Variants in SERINC5 observed in about 807,000 individuals in gnomAD.
SERINC5 encodes the protein serine incorporator 5, also known as chromosome 5 open reading frame 12.
A neutral mutation model predicts 63.1 loss-of-function variants in SERINC5; 41 were observed. That is an observed-to-expected ratio of 0.65 (90% CI 0.51 to 0.84). The LOEUF is 0.84. Ranked by LOEUF, SERINC5 falls within the 40% of genes least tolerant of loss-of-function variation. The pLI, the probability that SERINC5 is intolerant of heterozygous loss-of-function variation, is 0.00. For synonymous variants in SERINC5, 222 were observed against 215.2 expected (o/e 1.03, Z -0.28); for missense variants, 523 against 573.0 (o/e 0.91, Z 0.89).
chr5:80,254,603 A>T (rs948969440), intron 1 of SERINC5, among the ~76,000 whole-genome samples: 8 of 152,156 alleles, frequency 5.3e-5, no homozygotes, highest in Non-Finnish European at 1.2e-4. Flanking sequence ...TCAAAACGGG[A>T]ATAAAAGATT....
At chr5:80,194,254 A>G (rs2112467751) in intron 2 of SERINC5, among the ~76,000 whole-genome samples, 1 of 151,258 alleles carries the variant, frequency 6.6e-6, no homozygotes, top group African/African-American at 2.5e-5. Flanking sequence ...AAAGCATATA[A>G]GCGGAGAATG....
In SERINC5 at chr5:80,196,822, C is replaced by G. The variant is rs370219635; in HGVS notation, c.195+6064G>C. ...GGGCCTGGTAGTGCGCGCCTGTAATCCCAGCTACTCAGGAGGCCGAGGAAG... is the reference window on the plus strand; with the variant it reads ...GGGCCTGGTAGTGCGCGCCTGTAATGCCAGCTACTCAGGAGGCCGAGGAAG... On this transcript the variant is annotated intron_variant, in intron 2 of 11. Coordinates refer to ENST00000507668, the MANE Select transcript of SERINC5 (RefSeq NM_001174072.3). Among the ~76,000 whole-genome samples the G allele has an allele frequency of 3.3e-5, 5 of 151,846 alleles. 1 individual carries two copies. In the East Asian group the frequency reaches 9.7e-4, roughly 30 times the overall value.
intron 1 of SERINC5, among the ~76,000 whole-genome samples, chr5:80,224,137 A>C (rs1751054343): frequency 1.4e-5 from 2 of 147,398 alleles, no homozygotes; most frequent in Admixed American, 1.4e-4. Flanking sequence ...CCGTCTCAAA[A>C]AAAAAAAAAA....
At chr5:80,160,371 C>T (rs2112351298) in intron 7 of SERINC5, among the ~76,000 whole-genome samples, 1 of 152,286 alleles carries the variant, frequency 6.6e-6, no homozygotes, top group Middle Eastern at 3.4e-3. Flanking sequence ...AACATGGAGT[C>T]TTCCATTTGG....
At chr5:80,179,868 C>T (rs1366920755) in intron 2 of SERINC5, among the ~76,000 whole-genome samples, 2 of 152,324 alleles carry the variant, frequency 1.3e-5, no homozygotes, top group East Asian at 3.9e-4. Context: ...CTTTCAAAGG[C>T]TGTACCAATT....
chr5:80,234,082 T>A (rs1401252643), intron 1 of SERINC5, among the ~76,000 whole-genome samples: 1 of 152,078 alleles, frequency 6.6e-6, no homozygotes, highest in Non-Finnish European at 1.5e-5. Flanking sequence ...AGTGCTGGGA[T>A]TACAGGCGTG....
intron 1 of SERINC5, among the ~76,000 whole-genome samples, chr5:80,222,710 T>C (rs1750968481): frequency 6.6e-6 from 1 of 151,984 alleles, no homozygotes; most frequent in Non-Finnish European, 1.5e-5. Context: ...GTGGCTGGGA[T>C]TACAGGTGCC....
intron 7 of SERINC5, among the ~76,000 whole-genome samples, chr5:80,166,122 CTT>C (rs1464793721): frequency 2.6e-5 from 4 of 152,272 alleles, no homozygotes; most frequent in Admixed American, 2.6e-4. Context: ...CAATTATACT[CTT>C]TTAGTTATTT....
intron 7 of SERINC5, among the ~76,000 whole-genome samples, chr5:80,160,699 C>T (rs138764522): frequency 6.6e-6 from 1 of 152,044 alleles, no homozygotes; most frequent in African/African-American, 2.4e-5. Flanking sequence ...CATCCCCTCC[C>T]TCCTTCCTAT....
In SERINC5 at chr5:80,202,943, G is replaced by C. The variant is rs919442662; in HGVS notation, c.138C>G (p.Val46=). 2 of 1,613,460 alleles carry C rather than the reference G, an allele frequency of 1.2e-6. No homozygotes were observed. The highest frequency in any genetic ancestry group is 2.7e-5 in the African/African-American group (2 of 74,892). The change falls in exon 2 of 12, where the codon GTC becomes GTG. Residue 46 remains valine, a synonymous_variant. Transcript: ENST00000507668. ...ACATCATGATGCAGCAGAGGACGACGACCAGAATGAAGTAGAGGGCGTACA... is the reference window on the plus strand; with the variant it reads ...ACATCATGATGCAGCAGAGGACGACCACCAGAATGAAGTAGAGGGCGTACA... The part of the protein sequence containing the change: ...RFMYALYFIL[V]VVLCCIMMST...
intron 11 of SERINC5, among the ~76,000 whole-genome samples, chr5:80,124,203 A>G (rs1314234855): frequency 6.6e-6 from 1 of 152,174 alleles, no homozygotes; most frequent in Non-Finnish European, 1.5e-5. Context: ...GACAGCTCCC[A>G]TAATTTTTGC....
At chr5:80,166,264 G>T in intron 7 of SERINC5, 119 bp downstream of exon 7, 1 of 702,154 alleles carries the variant, frequency 1.4e-6, no homozygotes, top group Non-Finnish European at 2.4e-6. Context: ...CCCAGCCTCT[G>T]GTAACCATCT....
At position 80,140,199 on chromosome 5, in the gene SERINC5, G is replaced by C; in HGVS notation, c.*3464C>G. On this transcript the variant is annotated 3_prime_UTR_variant, in exon 12 of 12. Transcript: ENST00000507668. ...CCAGGTGTGATGGGGCAAACCTGTGGTCTCAGCTACTTGGGAGGTGGTCCT... is the reference window on the plus strand; with the variant it reads ...CCAGGTGTGATGGGGCAAACCTGTGCTCTCAGCTACTTGGGAGGTGGTCCT... 2 of 737,034 alleles carry C rather than the reference G, an allele frequency of 2.7e-6. No individual in the cohort carries two copies. Among genetic ancestry groups the C allele is most frequent in the Non-Finnish European group, 3.3e-6 (2 of 605,150 alleles). 45.7% of individuals were successfully genotyped at this position (737,034 alleles called of 1,614,324 possible). A position where few individuals can be genotyped will look rare whatever the true frequency, so the allele number is the denominator to read the frequency against.
chr5:80,134,211 C>T (rs1222158839), downstream of SERINC5, among the ~76,000 whole-genome samples: 7 of 152,144 alleles, frequency 4.6e-5, no homozygotes, highest in East Asian at 9.6e-4. Context: ...ATAGGCCGGG[C>T]GTGGTGGCTC....
intron 11 of SERINC5, chr5:80,144,021 C>T: frequency 3.6e-6 from 2 of 563,080 alleles, no homozygotes; most frequent in South Asian, 4.5e-5. Flanking sequence ...TTCCCCATGG[C>T]CCCCTCAGCC....
In SERINC5 at chr5:80,143,039, G is replaced by A; in HGVS notation, c.*624C>T. On this transcript the variant is annotated 3_prime_UTR_variant, in exon 12 of 12. Coordinates refer to ENST00000507668, the MANE Select transcript of SERINC5 (RefSeq NM_001174072.3). ...AAAAGATGAGACCTCGGGGAAGGGT[G>A]CAGGCAGAGAGTGAAGTCTGTGATT... 1 of 985,500 alleles carries A rather than the reference G, an allele frequency of 1.0e-6. No homozygotes were observed. Among genetic ancestry groups the A allele is most frequent in the Non-Finnish European group, 1.2e-6 (1 of 830,004 alleles). The allele number at this position is 985,500 out of a possible 1,614,324, so 61.0% of individuals were successfully genotyped here. A position where few individuals can be genotyped will look rare whatever the true frequency, so the allele number is the denominator to read the frequency against.
Position 80,142,263 on chromosome 5 carries a change from G to A in SERINC5, c.*1400C>T. The A allele has an allele frequency of 1.0e-6, 1 of 985,364 alleles. No homozygotes were observed. Among genetic ancestry groups the A allele is most frequent in the Middle Eastern group, 5.2e-4 (1 of 1,914 alleles). 61.0% of individuals were successfully genotyped at this position (985,364 alleles called of 1,614,324 possible). A position where few individuals can be genotyped will look rare whatever the true frequency, so the allele number is the denominator to read the frequency against. On this transcript the variant is annotated 3_prime_UTR_variant, in exon 12 of 12. Coordinates refer to ENST00000507668, the MANE Select transcript of SERINC5 (RefSeq NM_001174072.3). ...GAAAGTCACGTTTCTGTATTACTTT[G>A]CAAGTACGTATTTTGGAAATTCCTG... is the stretch of plus-strand genomic sequence containing the variant.
At chr5:80,153,180 G>A (rs535799393) in intron 8 of SERINC5, among the ~76,000 whole-genome samples, 5 of 151,932 alleles carry the variant, frequency 3.3e-5, no homozygotes, top group South Asian at 4.2e-4. Context: ...TTCAGTTGCC[G>A]GGCGTGGTGG....
intron 3 of SERINC5, 56 bp from the exon 4 acceptor site, chr5:80,177,453 C>T (rs1263449377): frequency 1.4e-6 from 2 of 1,385,696 alleles, no homozygotes; most frequent in Non-Finnish European, 2.0e-6. Context: ...TCAAGAAGGA[C>T]AAAGGACCTC....
Sources: allele counts gnomAD v4.1 joint callset (sites outside exome capture counted in the v4.1 genomes callset), GRCh38; gene constraint gnomAD v4.1.1; transcripts MANE v1.5; gene names NCBI Gene and HGNC (gene_info 2026-07-23, HGNC 2026-07-21).